The following MEMO1 variants were observed in gnomAD, a reference collection of about 807,000 sequenced individuals.
MEMO1 encodes mediator of cell motility 1.
Under a neutral mutation model 45.2 loss-of-function variants are expected in MEMO1, and 6 were observed. The observed-to-expected ratio is 0.13, with a 90% CI of 0.07 to 0.26. The LOEUF is 0.26. Among genes scored for constraint, MEMO1 ranks in the 10% least tolerant of loss-of-function variants. The probability of loss-of-function intolerance (pLI) is 1.00; values close to 1 mark genes in which losing one functional copy is unlikely to be tolerated. For missense variants in MEMO1, 184 were observed against 370.5 expected (o/e 0.50, Z 4.13); for synonymous variants, 78 against 124.3 (o/e 0.63, Z 2.48).
chr2:32,000,116 G>A (rs965144345), intron 2 of MEMO1, among the ~76,000 whole-genome samples: 1 of 151,592 alleles, frequency 6.6e-6, no homozygotes, highest in African/African-American at 2.4e-5. Context: ...CAACTCCTGG[G>A]TTCAAGCAAT....
At chr2:31,972,336 T>C (rs566074017) in intron 2 of MEMO1, among the ~76,000 whole-genome samples, 2 of 152,192 alleles carry the variant, frequency 1.3e-5, no homozygotes, top group East Asian at 1.9e-4. Flanking sequence ...AGAAATGATA[T>C]AACAACAACA....
chr2:31,948,240 C>A (rs1410049003), intron 2 of MEMO1, among the ~76,000 whole-genome samples: 1 of 152,208 alleles, frequency 6.6e-6, no homozygotes, highest in Non-Finnish European at 1.5e-5. Context: ...CCAGGACAAG[C>A]TGGTAAGAGA....
chr2:31,942,587 C>T (rs1404842270), intron 3 of MEMO1, among the ~76,000 whole-genome samples: 2 of 151,890 alleles, frequency 1.3e-5, no homozygotes, highest in African/African-American at 4.8e-5. Context: ...CTCACTACAA[C>T]CTCCACCTCC....
At chr2:31,945,711 T>C (rs1300722674) in intron 2 of MEMO1, among the ~76,000 whole-genome samples, 5 of 152,016 alleles carry the variant, frequency 3.3e-5, no homozygotes, top group Non-Finnish European at 7.3e-5. Context: ...CCAGTTTCTG[T>C]GGGAGGACAG....
intron 2 of MEMO1, among the ~76,000 whole-genome samples, chr2:31,967,777 T>C (rs1031259195): frequency 2.0e-5 from 3 of 152,228 alleles, no homozygotes; most frequent in African/African-American, 4.8e-5. Context: ...TAAAACTTAA[T>C]AGATTTTTGA....
chr2:31,874,629 G>C (rs1177516587), intron 8 of MEMO1, among the ~76,000 whole-genome samples: 1 of 151,924 alleles, frequency 6.6e-6, no homozygotes, highest in Non-Finnish European at 1.5e-5. Context: ...ATTTTGAACA[G>C]ATGTAATCTA....
rs184190401 is a variant in MEMO1 at position 31,917,181 on chromosome 2, T to C, written c.437+745A>G. Reference sequence around the variant, plus strand: ...AAATCCAGAAGGAATCATCTTACCATACTTAGAACTGCCAAACTAAATATG... The same window carrying C: ...AAATCCAGAAGGAATCATCTTACCACACTTAGAACTGCCAAACTAAATATG... On this transcript the variant is annotated intron_variant, in intron 6 of 9. Coordinates refer to ENST00000404530, the MANE Select transcript of MEMO1 (RefSeq NM_001301833.4). Among the ~76,000 whole-genome samples the C allele has an allele frequency of 4.1e-3, 629 of 152,294 alleles. 2 individuals are homozygous for C. The highest frequency in any genetic ancestry group is 6.0e-3 in the Non-Finnish European group (405 of 68,016).
Position 31,944,412 on chromosome 2 carries a change from G to C in MEMO1, c.62-1029C>G, listed in dbSNP as rs192831353. Among the ~76,000 whole-genome samples, 105 of 152,230 alleles carry C rather than the reference G, an allele frequency of 6.9e-4. 1 individual carries two copies. Among genetic ancestry groups the C allele is most frequent in the African/African-American group, 2.5e-3 (103 of 41,544 alleles). On this transcript the variant is annotated intron_variant, in intron 2 of 9. Coordinates refer to ENST00000404530, the MANE Select transcript of MEMO1 (RefSeq NM_001301833.4). ...GAAAAACAATCAGAAGTTGGCCCAA[G>C]ACTTTCCCAGTTTTAGCACTGGAAG...
At chr2:31,915,302 A>AT (rs1261994795) in intron 6 of MEMO1, among the ~76,000 whole-genome samples, 3 of 152,206 alleles carry the variant, frequency 2.0e-5, no homozygotes, top group Non-Finnish European at 2.9e-5. Flanking sequence ...AGAGACATGA[A>AT]TTGTCCACCA....
chr2:31,921,389 C>T (rs1682291482), intron 4 of MEMO1, among the ~76,000 whole-genome samples: 1 of 152,146 alleles, frequency 6.6e-6, no homozygotes, highest in Non-Finnish European at 1.5e-5. Context: ...TAATGACTTG[C>T]TCCTCAGTTA....
chr2:31,912,791 A>G lies in MEMO1; in HGVS notation c.437+5135T>C, dbSNP rs562916094. On this transcript the variant is annotated intron_variant, in intron 6 of 9. Coordinates refer to ENST00000404530, the MANE Select transcript of MEMO1 (RefSeq NM_001301833.4). ...ATAAAAACCTTTACTGGCAGTAAAC[A>G]CTGGCTGAGTAGAACCAGAATCTTC... 3.9e-5 allele frequency among the ~76,000 whole-genome samples: 6 copies of G among 152,298 alleles called. No homozygotes were observed. In the East Asian group the frequency reaches 7.7e-4, roughly 20 times the overall value.
chr2:31,985,332 T>C (rs913927972), intron 2 of MEMO1, among the ~76,000 whole-genome samples: 1 of 152,206 alleles, frequency 6.6e-6, no homozygotes, highest in African/African-American at 2.4e-5. Flanking sequence ...ACACATTTAC[T>C]TATTTATTTA....
chr2:31,974,269 T>C (rs1426768048), intron 2 of MEMO1, among the ~76,000 whole-genome samples: 1 of 152,228 alleles, frequency 6.6e-6, no homozygotes, highest in African/African-American at 2.4e-5. Context: ...ATAATTTAAA[T>C]GTGCAACACT....
At chr2:31,962,077 G>A (rs1019935112) in intron 2 of MEMO1, among the ~76,000 whole-genome samples, 1 of 152,072 alleles carries the variant, frequency 6.6e-6, no homozygotes, top group Non-Finnish European at 1.5e-5. Context: ...TATACTAAGA[G>A]GTAAAATTGT....
chr2:31,891,169 G>A (rs1215416391), intron 7 of MEMO1, among the ~76,000 whole-genome samples: 1 of 152,170 alleles, frequency 6.6e-6, no homozygotes. Context: ...TACATTTTAG[G>A]TTTCCTTATA....
intron 7 of MEMO1, among the ~76,000 whole-genome samples, chr2:31,889,957 T>C (rs1364157471): frequency 6.6e-6 from 1 of 152,144 alleles, no homozygotes. Flanking sequence ...CTGGAAATCC[T>C]ATCTTACAAT....
chr2:31,914,447 T>C (rs1215191957), intron 6 of MEMO1, among the ~76,000 whole-genome samples: 1 of 152,166 alleles, frequency 6.6e-6, no homozygotes, highest in Non-Finnish European at 1.5e-5. Flanking sequence ...AGGGTGACTA[T>C]AGTCAATAAC....
At chr2:31,968,563 T>C (rs534777723) in intron 2 of MEMO1, among the ~76,000 whole-genome samples, 225 of 152,302 alleles carry the variant, frequency 1.5e-3, no homozygotes, top group Non-Finnish European at 2.1e-3. Context: ...AGTGACCAAA[T>C]TGCACAAGGA....
intron 1 of MEMO1, 40 bp downstream of exon 1, chr2:32,010,902 C>CG (rs1202548326): frequency 1.3e-5 from 2 of 152,350 alleles, no homozygotes; most frequent in African/African-American, 4.8e-5. Context: ...GGGCCTGAAC[C>CG]GGGGAAGGCA....
Sources: gnomAD v4.1 joint callset for allele counts (sites outside exome capture counted in the v4.1 genomes callset) on GRCh38, gnomAD v4.1.1 for gene constraint, MANE v1.5 for transcripts, NCBI Gene and HGNC (gene_info 2026-07-23, HGNC 2026-07-21) for gene names.